NECAP1: variants seen among roughly 807,000 people sequenced by gnomAD.
NECAP1 encodes the protein adaptin ear-binding coat-associated protein 1.
NECAP1 carries 13 observed loss-of-function variants against 33.4 expected under a neutral mutation model. The observed-to-expected ratio is 0.39, with a 90% CI of 0.25 to 0.62. The LOEUF (loss-of-function observed/expected upper bound fraction) is 0.62, where lower values mean the gene tolerates loss of function less well. Among genes scored for constraint, NECAP1 ranks in the 20% least tolerant of loss-of-function variants. The pLI is 0.52. For missense variants in NECAP1, 272 were observed against 347.4 expected, an observed-to-expected ratio of 0.78 and a Z score of 1.73; for synonymous variants, 109 against 125.2, an observed-to-expected ratio of 0.87 and a Z score of 0.86.
intron 1 of NECAP1, among the ~76,000 whole-genome samples, chr12:8,088,571 T>C (rs1325384363): frequency 6.6e-6 from 1 of 152,230 alleles, no homozygotes; most frequent in Admixed American, 6.5e-5. Context: ...CTAATCCCCC[T>C]GCTTCAGTCC....
Position 8,090,178 on chromosome 12 carries a change from T to G in NECAP1, c.197-17T>G, listed in dbSNP as rs200504009. 6.2e-7 allele frequency: 1 copy of G among 1,613,608 alleles called. No individual in the cohort carries two copies. Among genetic ancestry groups the G allele is most frequent in the African/African-American group, 1.3e-5 (1 of 75,040 alleles). ...TTGGCTTGCTTTACTCAAAAAAGTC[T>G]TTCTCTTATCTGTCAGGGGAGCTCT... On this transcript the variant is annotated splice_polypyrimidine_tract_variant and intron_variant, in intron 2 of 7. Coordinates refer to ENST00000339754, the MANE Select transcript of NECAP1 (RefSeq NM_015509.4).
In NECAP1 at chr12:8,083,263, T is replaced by C. The variant is rs767629335; in HGVS notation, c.95+880T>C. On this transcript the variant is annotated intron_variant, in intron 1 of 7. Coordinates refer to ENST00000339754, the MANE Select transcript of NECAP1 (RefSeq NM_015509.4). ...GAGCCCTTTCCAAGCCTCAATTTTCTCATCTGTAAAATAGAAAAAAAAACC... is the reference window on the plus strand; with the variant it reads ...GAGCCCTTTCCAAGCCTCAATTTTCCCATCTGTAAAATAGAAAAAAAAACC... Among the ~76,000 whole-genome samples, 12 of 151,942 alleles carry C rather than the reference T, an allele frequency of 7.9e-5. No homozygotes were observed. In the East Asian group the frequency reaches 2.1e-3, roughly 27 times the overall value.
At chr12:8,091,028 T>C (rs764875105) in intron 3 of NECAP1, 1 of 152,652 alleles carries the variant, frequency 6.6e-6, no homozygotes, top group Non-Finnish European at 1.5e-5. Context: ...GAAATCACTG[T>C]AGAAAATATG....
chr12:8,082,772 T>TCACACACACACACA (rs1201652736), intron 1 of NECAP1: 1 of 114,446 alleles, frequency 8.7e-6, no homozygotes, highest in African/African-American at 4.4e-5. Flanking sequence ...TCTCTCTCTC[T>TCACACACACACACA]CTCACACACA....
At chr12:8,091,418 G>A (rs1233038306) in intron 3 of NECAP1, 1 of 285,018 alleles carries the variant, frequency 3.5e-6, no homozygotes, top group African/African-American at 2.2e-5. Flanking sequence ...CGGGAGCCTT[G>A]GGCTTGTTTT....
chr12:8,087,620 C>T, intron 1 of NECAP1, among the ~76,000 whole-genome samples: 1 of 151,366 alleles, frequency 6.6e-6, no homozygotes. Context: ...AATTCTTAGG[C>T]TCAGGCAGTC....
At chr12:8,092,039 T>C (rs905135041) in intron 4 of NECAP1, 189 bp downstream of exon 4, 3 of 574,478 alleles carry the variant, frequency 5.2e-6, no homozygotes, top group Non-Finnish European at 9.3e-6. Context: ...CCTTTCCTTA[T>C]AGCCTGCAAT....
At chr12:8,086,654 A>G (rs1016726796) in intron 1 of NECAP1, among the ~76,000 whole-genome samples, 12 of 147,502 alleles carry the variant, frequency 8.1e-5, no homozygotes, top group African/African-American at 3.0e-4. Context: ...TTAGAAAACA[A>G]TCTGGGTGCG....
chr12:8,082,587 T>G (rs1245475532), intron 1 of NECAP1, among the ~76,000 whole-genome samples: 1 of 142,288 alleles, frequency 7.0e-6, no homozygotes, highest in Non-Finnish European at 1.5e-5. Context: ...TTTTTTTTTT[T>G]GTTTTGTTTT....
chr12:8,092,155 G>C, intron 4 of NECAP1: 1 of 385,936 alleles, frequency 2.6e-6, no homozygotes, highest in Non-Finnish European at 4.8e-6. Flanking sequence ...GCTTTATGTG[G>C]GGAGTCGTGT....
At chr12:8,092,519 T>A (rs1043132576) in intron 4 of NECAP1, 157 bp from the exon 5 acceptor site, 1 of 590,834 alleles carries the variant, frequency 1.7e-6, no homozygotes, top group African/African-American at 1.9e-5. Flanking sequence ...CCAGTTGTTT[T>A]CTTTCTTGGC....
chr12:8,086,243 C>T (rs1285879794), intron 1 of NECAP1, among the ~76,000 whole-genome samples: 2 of 152,264 alleles, frequency 1.3e-5, no homozygotes, highest in Middle Eastern at 3.4e-3. Flanking sequence ...TTTTAATTCA[C>T]CTAGTGTAAG....
intron 1 of NECAP1, among the ~76,000 whole-genome samples, chr12:8,086,671 C>T (rs1227628375): frequency 6.6e-6 from 1 of 152,002 alleles, no homozygotes. Context: ...TGCGGTGGCT[C>T]ACTCCTGTAA....
At chr12:8,090,111 G>A (rs1947529422) in intron 2 of NECAP1, 75 bp downstream of exon 2, 24 of 1,577,116 alleles carry the variant, frequency 1.5e-5, no homozygotes, top group Non-Finnish European at 2.0e-5. Flanking sequence ...TCAATTTGGG[G>A]ACTGGAATGG....
intron 1 of NECAP1, among the ~76,000 whole-genome samples, chr12:8,085,275 C>T (rs779732175): frequency 2.0e-5 from 3 of 152,320 alleles, no homozygotes; most frequent in Admixed American, 2.0e-4. Context: ...GCCTTGGCCT[C>T]CCAAAGTGCT....
At chr12:8,092,068 G>A in intron 4 of NECAP1, 1 of 535,204 alleles carries the variant, frequency 1.9e-6, no homozygotes, top group Non-Finnish European at 3.3e-6. Flanking sequence ...GATCCCTTGT[G>A]CAGTAGTTTG....
intron 1 of NECAP1, 152 bp from the exon 2 acceptor site, chr12:8,089,784 G>A (rs148532120): frequency 1.5e-6 from 1 of 651,242 alleles, no homozygotes; most frequent in African/African-American, 1.8e-5. Context: ...GTAACATGAG[G>A]CATCTAAATA....
intron 7 of NECAP1, 54 bp downstream of exon 7, chr12:8,095,757 A>G (rs1252669097): frequency 1.3e-6 from 2 of 1,503,030 alleles, no homozygotes. Context: ...GGAGATATGT[A>G]CAGTCAATTG....
chr12:8,087,185 T>C (rs1231123844), intron 1 of NECAP1, among the ~76,000 whole-genome samples: 1 of 152,084 alleles, frequency 6.6e-6, no homozygotes, highest in Non-Finnish European at 1.5e-5. Flanking sequence ...TTTTCATGCC[T>C]ATTTCACATA....
Sources: gnomAD v4.1 joint callset for allele counts (sites outside exome capture counted in the v4.1 genomes callset) on GRCh38, gnomAD v4.1.1 for gene constraint, MANE v1.5 for transcripts, NCBI Gene and HGNC (gene_info 2026-07-23, HGNC 2026-07-21) for gene names.